Variants in CACUL1 observed in about 807,000 individuals in gnomAD.
CACUL1 encodes the protein CDK2-associated and cullin domain-containing protein 1.
Under a neutral mutation model 45.2 loss-of-function variants are expected in CACUL1, and 13 were observed. That is an observed-to-expected ratio of 0.29 (90% CI 0.19 to 0.46). The LOEUF is 0.46. CACUL1 is among the 20% of genes least tolerant of loss of function. The pLI, the probability that CACUL1 is intolerant of heterozygous loss-of-function variation, is 1.00. For missense variants in CACUL1, 421 were observed against 471.4 expected (o/e 0.89, Z 0.99); for synonymous variants, 197 against 174.2 (o/e 1.13, Z -1.03).
chr10:118,738,268 A>T (rs1289843642), intron 1 of CACUL1, among the ~76,000 whole-genome samples: 1 of 152,218 alleles, frequency 6.6e-6, no homozygotes, highest in East Asian at 1.9e-4. Flanking sequence ...AGAACCGAGA[A>T]GGATTATTCT....
chr10:118,749,804 G>A (rs1411608378), intron 1 of CACUL1, among the ~76,000 whole-genome samples: 1 of 152,160 alleles, frequency 6.6e-6, no homozygotes, highest in Non-Finnish European at 1.5e-5. Context: ...TCACATAAAT[G>A]GTGTTTTGGC....
chr10:118,739,873 G>A (rs898989763), intron 1 of CACUL1, among the ~76,000 whole-genome samples: 3 of 152,212 alleles, frequency 2.0e-5, no homozygotes, highest in South Asian at 2.1e-4. Flanking sequence ...GGCTGGGTGC[G>A]GTGGCTCATG....
intron 1 of CACUL1, among the ~76,000 whole-genome samples, chr10:118,742,191 A>C (rs1845799272): frequency 6.6e-6 from 1 of 152,376 alleles, no homozygotes; most frequent in Non-Finnish European, 1.5e-5. Context: ...ATGAATCAGC[A>C]TACCTGCAAC....
At position 118,730,326 on chromosome 10, in the gene CACUL1, C is replaced by T. The variant is rs777998922; in HGVS notation, c.452G>A (p.Ser151Asn). The T allele has an allele frequency of 1.5e-5, 25 of 1,613,884 alleles. No individual in the cohort carries two copies. In the South Asian group the frequency reaches 2.7e-4, roughly 18 times the overall value. The change falls in exon 2 of 9, where the codon AGT (serine) becomes AAT (asparagine). Residue 151 changes from serine (S) to asparagine (N), a missense_variant. Ser to Asn is a conservative substitution (Grantham distance 46). Around this residue, in one of 2 missense-constraint regions of CACUL1, gnomAD observed 208 missense variants for 298.4 expected, o/e 0.70. Coordinates refer to ENST00000369151, the MANE Select transcript of CACUL1 (RefSeq NM_153810.5). ...DGAIDQLLTQ[S>N]PGDYIPISYE... ...GGATATGGGGATATAGTCACCAGGACTCTGAGTTAAAAGTTGATCTATGGC... is the reference window on the plus strand; with the variant it reads ...GGATATGGGGATATAGTCACCAGGATTCTGAGTTAAAAGTTGATCTATGGC...
intron 1 of CACUL1, among the ~76,000 whole-genome samples, chr10:118,745,398 C>T (rs1235671054): frequency 1.3e-5 from 2 of 152,054 alleles, no homozygotes; most frequent in Non-Finnish European, 2.9e-5. Context: ...CTCACCTCTA[C>T]TAAAAATACA....
intron 1 of CACUL1, among the ~76,000 whole-genome samples, chr10:118,749,769 C>T (rs1459741409): frequency 2.0e-5 from 3 of 152,202 alleles, no homozygotes; most frequent in Non-Finnish European, 4.4e-5. Flanking sequence ...TATGGTAAAC[C>T]AGGCAGATCA....
rs576485405 is a variant in CACUL1, at chr10:118,697,868, A to G, written c.797-2638T>C. Among the ~76,000 whole-genome samples the G allele has an allele frequency of 7.9e-5, 12 of 152,350 alleles. No individual in the cohort carries two copies. The South Asian group carries it at 2.3e-3, about 29-fold the overall frequency. ...GCTCAGAATCACCAACATACGACGTAAATACTTTAACAATAGAGCCTAGTA... is the reference window on the plus strand; with the variant it reads ...GCTCAGAATCACCAACATACGACGTGAATACTTTAACAATAGAGCCTAGTA... On this transcript the variant is annotated intron_variant, in intron 5 of 8. Transcript: ENST00000369151.
At chr10:118,744,489 G>GA (rs1319746282) in intron 1 of CACUL1, among the ~76,000 whole-genome samples, 3 of 152,180 alleles carry the variant, frequency 2.0e-5, no homozygotes, top group Admixed American at 6.5e-5. Flanking sequence ...GAGAAGTGAG[G>GA]AAACGGAACT....
intron 3 of CACUL1, among the ~76,000 whole-genome samples, chr10:118,724,012 T>A (rs1845627217): frequency 6.6e-6 from 1 of 152,078 alleles, no homozygotes. Context: ...TGATCTGCCC[T>A]CCTTGTCCTC....
intron 1 of CACUL1, among the ~76,000 whole-genome samples, chr10:118,737,753 G>A (rs961146010): frequency 2.7e-4 from 40 of 149,188 alleles, no homozygotes; most frequent in African/African-American, 9.4e-4. Flanking sequence ...TGTTCCTTTA[G>A]AATAGTTACT....
At chr10:118,695,930 T>C (rs1845317633) in intron 5 of CACUL1, among the ~76,000 whole-genome samples, 1 of 152,224 alleles carries the variant, frequency 6.6e-6, no homozygotes. Context: ...CTAAAATGAT[T>C]CATTTTTAAT....
At chr10:118,742,812 A>G (rs1845804943) in intron 1 of CACUL1, among the ~76,000 whole-genome samples, 1 of 152,216 alleles carries the variant, frequency 6.6e-6, no homozygotes, top group Admixed American at 6.5e-5. Context: ...CCAAACCTAA[A>G]TAAATAGGAG....
intron 3 of CACUL1, among the ~76,000 whole-genome samples, chr10:118,715,983 TC>T (rs1484191152): frequency 6.6e-6 from 1 of 152,198 alleles, no homozygotes; most frequent in Non-Finnish European, 1.5e-5. Flanking sequence ...ACACCTGTAA[TC>T]CCAGCACTTT....
chr10:118,729,255 A>C, intron 3 of CACUL1, 40 bp downstream of exon 3: 46 of 1,434,118 alleles, frequency 3.2e-5, no homozygotes, highest in East Asian at 4.6e-5. Flanking sequence ...CCAGTCAGGA[A>C]AACCCAAGGA....
Position 118,754,918 on chromosome 10 carries a change from G to T in CACUL1, c.-156C>A. On this transcript the variant is annotated 5_prime_UTR_variant, in exon 1 of 9. Transcript: ENST00000369151. ...GTGCGCAGGGTCTCTCGCTCTCCGC[G>T]GGGCCGACTAGCTTGAAGACGCGGC... is the stretch of plus-strand genomic sequence containing the variant. 1 of 1,054,912 alleles carries T rather than the reference G, an allele frequency of 9.5e-7. No homozygotes were observed. Among genetic ancestry groups the T allele is most frequent in the Non-Finnish European group, 1.3e-6 (1 of 765,210 alleles). 65.3% of individuals were successfully genotyped at this position (1,054,912 alleles called of 1,614,324 possible).
intron 1 of CACUL1, among the ~76,000 whole-genome samples, chr10:118,736,210 A>G (rs1845739292): frequency 6.6e-6 from 1 of 152,224 alleles, no homozygotes; most frequent in African/African-American, 2.4e-5. Flanking sequence ...TAAAAGCCAT[A>G]CAGAAATTTT....
Position 118,712,198 on chromosome 10 carries a change from C to G in CACUL1, c.598-4611G>C, listed in dbSNP as rs147069099. Among the ~76,000 whole-genome samples the G allele has an allele frequency of 1.4e-3, 207 of 152,338 alleles. 1 individual carries two copies. Among genetic ancestry groups the G allele is most frequent in the Admixed American group, 2.2e-3 (34 of 15,306 alleles). ...GTGGCGCCTTTACCTGAGTTTTGCT[C>G]AGGCCTACTGGGCTCATTTTGCCCA... On this transcript the variant is annotated intron_variant, in intron 3 of 8. Transcript: ENST00000369151.
At chr10:118,694,933 A>C (rs565853172) in intron 6 of CACUL1, 19 of 412,812 alleles carry the variant, frequency 4.6e-5, no homozygotes, top group African/African-American at 3.6e-4. Flanking sequence ...CAGGTTCTGC[A>C]AAAACCACAC....
intron 3 of CACUL1, among the ~76,000 whole-genome samples, chr10:118,726,060 A>C (rs1244073148): frequency 2.0e-5 from 3 of 152,030 alleles, no homozygotes; most frequent in African/African-American, 7.2e-5. Context: ...GCCAAATGCA[A>C]CTCCTCCCAC....
Sources: gnomAD v4.1 joint callset for allele counts (sites outside exome capture counted in the v4.1 genomes callset) on GRCh38, gnomAD v4.1.1 for gene constraint, gnomAD v4.1.1 regional missense constraint, MANE v1.5 for transcripts, NCBI Gene and HGNC (gene_info 2026-07-23, HGNC 2026-07-21) for gene names.